Variants in RNF216 observed in about 807,000 individuals in gnomAD.
RNF216 encodes E3 ubiquitin-protein ligase RNF216.
Under a neutral mutation model 110.8 loss-of-function variants are expected in RNF216, and 72 were observed. The ratio of observed to expected loss-of-function variants is 0.65; its 90% confidence interval spans 0.54 to 0.79. RNF216 has a LOEUF of 0.79. Among genes scored for constraint, RNF216 ranks in the 30% least tolerant of loss-of-function variants. The probability of loss-of-function intolerance (pLI) is 0.00; values close to 1 mark genes in which losing one functional copy is unlikely to be tolerated. For synonymous variants in RNF216, 495 were observed against 407.5 expected (o/e 1.21, Z -2.59); for missense variants, 1,342 against 1,141.2 (o/e 1.18, Z -2.54).
rs879499268 is a variant in RNF216 at position 5,680,056 on chromosome 7, C to T, written c.2062-27546G>A. On this transcript the variant is annotated intron_variant, in intron 13 of 16. Transcript: ENST00000389902. This position sits in a 1 kb window ranked among gnomAD's most constrained non-coding sequence, Gnocchi z 4.3. ...AAGCTAAATCTGATCATTTCACTAC[C>T]CTGTTTAATGACCATGGATAGACTT... Among the ~76,000 whole-genome samples the T allele has an allele frequency of 6.6e-6, 1 of 152,148 alleles. No homozygotes were observed. The highest frequency in any genetic ancestry group is 1.5e-5 in the Non-Finnish European group (1 of 68,026).
At chr7:5,712,418 A>T (rs1562418782) in intron 12 of RNF216, among the ~76,000 whole-genome samples, 1 of 151,944 alleles carries the variant, frequency 6.6e-6, no homozygotes, top group Non-Finnish European at 1.5e-5. Flanking sequence ...GGTTGTAGTG[A>T]GCCAAGATTG....
chr7:5,746,058 T>C (rs1391124155), intron 3 of RNF216, among the ~76,000 whole-genome samples: 5 of 152,210 alleles, frequency 3.3e-5, no homozygotes, highest in African/African-American at 9.6e-5. Context: ...CAGAGACTGT[T>C]GATATCTTGA....
chr7:5,742,035 T>C (rs138084881), intron 3 of RNF216, among the ~76,000 whole-genome samples: 85 of 152,270 alleles, frequency 5.6e-4, no homozygotes, highest in African/African-American at 1.9e-3. Flanking sequence ...GCTTGAGATA[T>C]AGTTTGAATT....
chr7:5,730,271 T>C (rs1192836604), intron 6 of RNF216, among the ~76,000 whole-genome samples: 3 of 152,198 alleles, frequency 2.0e-5, no homozygotes, highest in Admixed American at 6.5e-5. Context: ...ACAGAGGACA[T>C]ATGTATGATA....
At chr7:5,743,863 A>G (rs1794898656) in intron 3 of RNF216, among the ~76,000 whole-genome samples, 1 of 152,192 alleles carries the variant, frequency 6.6e-6, no homozygotes, top group African/African-American at 2.4e-5. Flanking sequence ...CGCAGCGTGG[A>G]GAGTTTAACT....
chr7:5,736,055 T>G (rs965399942), intron 5 of RNF216, among the ~76,000 whole-genome samples: 1 of 151,830 alleles, frequency 6.6e-6, no homozygotes, highest in Admixed American at 6.6e-5. Context: ...ATCACACCAC[T>G]GCACTCTAGC....
At chr7:5,759,021 A>T (rs1364086717) in intron 2 of RNF216, among the ~76,000 whole-genome samples, 1 of 152,122 alleles carries the variant, frequency 6.6e-6, no homozygotes, top group Non-Finnish European at 1.5e-5. Context: ...TAATTGGATC[A>T]TGGGGGTGGT....
intron 7 of RNF216, among the ~76,000 whole-genome samples, chr7:5,727,112 C>G (rs768771413): frequency 6.6e-6 from 1 of 152,124 alleles, no homozygotes; most frequent in African/African-American, 2.4e-5. Context: ...GTCTGGGCAG[C>G]AATGAGAAGC....
intron 5 of RNF216, among the ~76,000 whole-genome samples, chr7:5,733,716 C>T (rs562994728): frequency 6.8e-6 from 1 of 147,010 alleles, no homozygotes; most frequent in South Asian, 2.1e-4. Context: ...ACAATTCACA[C>T]GCAAGGGAAA....
intron 3 of RNF216, among the ~76,000 whole-genome samples, chr7:5,748,147 C>CA (rs1795136760): frequency 6.6e-6 from 1 of 152,174 alleles, no homozygotes; most frequent in Non-Finnish European, 1.5e-5. Context: ...TTAACACAGA[C>CA]AGAGGACTGG....
intron 14 of RNF216, among the ~76,000 whole-genome samples, chr7:5,646,214 T>A (rs1788039230): frequency 6.6e-6 from 1 of 152,088 alleles, no homozygotes; most frequent in African/African-American, 2.4e-5. Flanking sequence ...AAATTATTTT[T>A]GTAAATTAGC....
At chr7:5,753,242 G>C (rs1240078584) in intron 2 of RNF216, among the ~76,000 whole-genome samples, 1 of 152,196 alleles carries the variant, frequency 6.6e-6, no homozygotes, top group African/African-American at 2.4e-5. Flanking sequence ...CTAGGTTGGA[G>C]AAATCTGTTT....
rs574631295 is a variant in RNF216 at position 5,706,561 on chromosome 7, G to A, written c.2061+5200C>T. On this transcript the variant is annotated intron_variant, in intron 13 of 16. Transcript: ENST00000389902. Reference sequence around the variant, plus strand: ...TATCTGTGTTGTTAGTATGTGCCAGGAGTTCCTTCTTTTCAAAGGCTGCAT... The same window carrying A: ...TATCTGTGTTGTTAGTATGTGCCAGAAGTTCCTTCTTTTCAAAGGCTGCAT... Among the ~76,000 whole-genome samples the A allele has an allele frequency of 7.9e-5, 12 of 152,290 alleles. No homozygotes were observed. In the South Asian group the frequency reaches 2.3e-3, roughly 29 times the overall value.
intron 1 of RNF216, among the ~76,000 whole-genome samples, chr7:5,770,592 C>T (rs750574414): frequency 3.3e-5 from 5 of 151,480 alleles, no homozygotes; most frequent in Non-Finnish European, 7.4e-5. Flanking sequence ...AGATTTAATA[C>T]AACCTTTATC....
chr7:5,634,943 G>A (rs1433994400), intron 15 of RNF216, among the ~76,000 whole-genome samples: 1 of 152,212 alleles, frequency 6.6e-6, no homozygotes, highest in Admixed American at 6.5e-5. Flanking sequence ...CATGGGGAAA[G>A]AGTCTGGCGA....
intron 2 of RNF216, among the ~76,000 whole-genome samples, chr7:5,759,867 G>A (rs1248169162): frequency 2.0e-5 from 3 of 151,840 alleles, no homozygotes; most frequent in Non-Finnish European, 2.9e-5. Flanking sequence ...TCCTGACCTC[G>A]TGATCCACCC....
chr7:5,749,707 T>C (rs1236126198), intron 3 of RNF216, among the ~76,000 whole-genome samples: 4 of 152,226 alleles, frequency 2.6e-5, no homozygotes, highest in African/African-American at 9.6e-5. Flanking sequence ...TGTTCAAAGA[T>C]GTATATGCGA....
intron 1 of RNF216, among the ~76,000 whole-genome samples, chr7:5,773,322 A>T (rs1796600680): frequency 6.6e-6 from 1 of 151,252 alleles, no homozygotes; most frequent in South Asian, 2.1e-4. Flanking sequence ...AGCTCACTGC[A>T]ACCTCCACCT....
In RNF216 at chr7:5,715,065, A is replaced by G; in HGVS notation, c.1821T>C (p.Phe607=). 2 of 1,613,300 alleles carry G rather than the reference A, an allele frequency of 1.2e-6. No homozygotes were observed. The highest frequency in any genetic ancestry group is 2.7e-5 in the African/African-American group (2 of 75,062). Residue 607 remains phenylalanine, a synonymous_variant, in exon 11 of 17, where the codon TTT becomes TTC. Transcript: ENST00000389902. ...CLIRYAQEAV[F]GSGKLELSCM... ...ACACAGTTCTTACCTTTCCAGATCC[A>G]AAGACTGCCTCTTGGGCATATCTGA...
Sources: allele counts gnomAD v4.1 joint callset (sites outside exome capture counted in the v4.1 genomes callset), GRCh38; gene constraint gnomAD v4.1.1; non-coding constraint Gnocchi (gnomAD v3.1); transcripts MANE v1.5; gene names NCBI Gene and HGNC (gene_info 2026-07-23, HGNC 2026-07-21).